MEGF6: variants seen among roughly 807,000 people sequenced by gnomAD.
MEGF6 encodes the protein multiple EGF like domains 6.
MEGF6 carries 184 observed loss-of-function variants against 207.1 expected under a neutral mutation model. The observed-to-expected ratio is 0.89, with a 90% CI of 0.79 to 1.00. The LOEUF (loss-of-function observed/expected upper bound fraction) is 1.00, where lower values mean the gene tolerates loss of function less well. Ranked by LOEUF, MEGF6 falls within the 50% of genes least tolerant of loss-of-function variation. The probability of loss-of-function intolerance (pLI) is 0.00; values close to 1 mark genes in which losing one functional copy is unlikely to be tolerated. For synonymous variants in MEGF6, 1,038 were observed against 910.0 expected (o/e 1.14, Z -2.53); for missense variants, 2,282 against 2,202.9 (o/e 1.04, Z -0.72).
chr1:3,506,239 G>A lies in MEGF6; in HGVS notation c.1790-3C>T, dbSNP rs1641112889. The A allele has an allele frequency of 1.2e-6, 2 of 1,607,984 alleles. No individual in the cohort carries two copies. The highest frequency in any genetic ancestry group is 1.7e-6 in the Non-Finnish European group (2 of 1,177,960). ...GCCATAGTAGCCCTTGGGGCAGCCT[G>A]GGGGCAGCGGGGCTCCATGTGAACC... On this transcript the variant is annotated splice_polypyrimidine_tract_variant and splice_region_variant and intron_variant, in intron 14 of 36. Coordinates refer to ENST00000356575, the MANE Select transcript of MEGF6 (RefSeq NM_001409.4).
At position 3,498,716 on chromosome 1, in the gene MEGF6, C is replaced by A. The variant is rs771830741; in HGVS notation, c.3205G>T (p.Gly1069Cys). 1.3e-6 allele frequency: 2 copies of A among 1,568,566 alleles called. No individual in the cohort carries two copies. The highest frequency in any genetic ancestry group is 1.4e-5 in the African/African-American group (1 of 74,048). The change falls in exon 25 of 37, where the codon GGC becomes TGC. Residue 1069 changes from glycine (G) to cysteine (C), a missense_variant. Coordinates refer to ENST00000356575, the MANE Select transcript of MEGF6 (RefSeq NM_001409.4). ...CGCTCACCCTTCTCACAGGCCAGGC[C>A]GGCCCAGCCCTCTGGGCACGCACAG... ...GHCACPEGWA[G>C]LACEKECLPR...
At chr1:3,524,361 AC>A in intron 4 of MEGF6, 115 bp from the exon 5 acceptor site, 1 of 1,356,556 alleles carries the variant, frequency 7.4e-7, no homozygotes, top group Non-Finnish European at 1.0e-6. Context: ...CCTCGAGGGC[AC>A]CACCCATGAG....
rs184617677 is a variant in MEGF6, at chr1:3,536,574, C to T, written c.482-12328G>A. Among the ~76,000 whole-genome samples the T allele has an allele frequency of 1.1e-3, 171 of 152,302 alleles. 1 individual carries two copies. The highest frequency in any genetic ancestry group is 4.1e-3 in the African/African-American group (169 of 41,568). ...CAACACCCCCTCCCCTACTCAGTGC[C>T]GCCACCGAGCACGTCCCAGCCGGAG... On this transcript the variant is annotated intron_variant, in intron 4 of 36. Coordinates refer to ENST00000356575, the MANE Select transcript of MEGF6 (RefSeq NM_001409.4).
rs904360480 is a variant in MEGF6 at position 3,501,809 on chromosome 1, T to A, written c.2301A>T (p.Glu767Asp). Residue 767 changes from glutamate to aspartate, a missense_variant, in exon 18 of 37, where the codon GAA (glutamate) becomes GAT (aspartate). Glu to Asp is a conservative substitution (Grantham distance 45, BLOSUM62 2). Coordinates refer to ENST00000356575, the MANE Select transcript of MEGF6 (RefSeq NM_001409.4). ...QCRCPPGRTGEDCEADCPEGR... is the reference protein window; with the variant it reads ...QCRCPPGRTGDDCEADCPEGR... Reference sequence around the variant, plus strand: ...GCTGACACTCACCTGCCTCACAGTCTTCCCCAGTCCTCCCCGGCGGACACC... The same window carrying A: ...GCTGACACTCACCTGCCTCACAGTCATCCCCAGTCCTCCCCGGCGGACACC... 1.2e-6 allele frequency: 2 copies of A among 1,609,900 alleles called. No homozygotes were observed. Among genetic ancestry groups the A allele is most frequent in the African/African-American group, 2.7e-5 (2 of 74,728 alleles).
At chr1:3,551,793 C>T (rs1200202853) in intron 4 of MEGF6, among the ~76,000 whole-genome samples, 1 of 152,136 alleles carries the variant, frequency 6.6e-6, no homozygotes, top group Non-Finnish European at 1.5e-5. Flanking sequence ...CGACTTCCAT[C>T]AGGAAAACCA....
chr1:3,547,985 C>A (rs1429929284), intron 4 of MEGF6, among the ~76,000 whole-genome samples: 3 of 152,142 alleles, frequency 2.0e-5, no homozygotes, highest in Admixed American at 6.5e-5. Context: ...CCTCTGCCCA[C>A]CCACCCCTGC....
intron 23 of MEGF6, 114 bp downstream of exon 23, chr1:3,499,464 ATCACTCTCAG>A: frequency 6.9e-7 from 1 of 1,441,368 alleles, no homozygotes; most frequent in Non-Finnish European, 9.3e-7. Context: ...TGAGCAAAGC[ATCACTCTCAG>A]GGGGGTTGCC....
intron 29 of MEGF6, 110 bp downstream of exon 29, chr1:3,496,545 G>A (rs1156778109): frequency 1.6e-5 from 24 of 1,478,812 alleles, no homozygotes; most frequent in Middle Eastern, 4.1e-4. Context: ...GCCAGAGGGG[G>A]CTGAAGGGCA....
At position 3,578,330 on chromosome 1, in the gene MEGF6, G is replaced by A. The variant is rs543504466; in HGVS notation, c.481+1495C>T. ...AGACAAATGAGACGGAAAGGCCCTC[G>A]GGACATTTCTCAACTCCCACCTGTG... On this transcript the variant is annotated intron_variant, in intron 4 of 36. Transcript: ENST00000356575. Among the ~76,000 whole-genome samples, 391 of 152,336 alleles carry A rather than the reference G, an allele frequency of 2.6e-3. 10 individuals carry two copies. In the South Asian group the frequency reaches 0.078, roughly 30 times the overall value.
intron 5 of MEGF6, among the ~76,000 whole-genome samples, chr1:3,518,121 C>A (rs1477112584): frequency 2.0e-5 from 3 of 152,160 alleles, no homozygotes; most frequent in East Asian, 1.9e-4. Flanking sequence ...TGTGTCCCCC[C>A]TAAAAAATCC....
intron 1 of MEGF6, among the ~76,000 whole-genome samples, chr1:3,603,221 G>A (rs1402879961): frequency 6.6e-6 from 1 of 152,210 alleles, no homozygotes; most frequent in African/African-American, 2.4e-5. Context: ...CAGGGGAGGG[G>A]GCATGCCAGG....
intron 4 of MEGF6, among the ~76,000 whole-genome samples, chr1:3,569,611 G>A (rs375103474): frequency 1.4e-4 from 22 of 152,354 alleles, no homozygotes; most frequent in African/African-American, 4.8e-4. Flanking sequence ...GAGACTGGGG[G>A]GCCACGGGGT....
At chr1:3,500,815 G>T in intron 20 of MEGF6, 51 bp from the exon 21 acceptor site, 1 of 1,595,698 alleles carries the variant, frequency 6.3e-7, no homozygotes, top group Non-Finnish European at 8.5e-7. Flanking sequence ...CGGGCCACGG[G>T]CACCACAGCC....
intron 4 of MEGF6, among the ~76,000 whole-genome samples, chr1:3,552,326 C>CA (rs1279059658): frequency 6.6e-6 from 1 of 152,224 alleles, no homozygotes; most frequent in East Asian, 1.9e-4. Context: ...CACAGGAACA[C>CA]AAGCTGCCTG....
chr1:3,538,721 T>C (rs1221471325), intron 4 of MEGF6, among the ~76,000 whole-genome samples: 1 of 150,652 alleles, frequency 6.6e-6, no homozygotes, highest in Non-Finnish European at 1.5e-5. Flanking sequence ...TGTGTGTGTG[T>C]GTGTGTGTGT....
chr1:3,509,128 G>A lies in MEGF6; in HGVS notation c.1475C>T (p.Ala492Val), dbSNP rs1274127938. 6.2e-7 allele frequency: 1 copy of A among 1,601,340 alleles called. No individual in the cohort carries two copies. The highest frequency in any genetic ancestry group is 1.7e-5 in the Admixed American group (1 of 58,634). ...PQLFQDDDVG[A>V]DEEEAELRGE... ...CCGCAACTCTGCCTCTTCCTCATCG[G>A]CCCCGACGTCGTCATCCTGGAAGAG... Residue 492 changes from alanine to valine, a missense_variant, in exon 12 of 37, where the codon GCC becomes GTC. Coordinates refer to ENST00000356575, the MANE Select transcript of MEGF6 (RefSeq NM_001409.4).
intron 17 of MEGF6, among the ~76,000 whole-genome samples, chr1:3,503,263 G>T (rs1640974024): frequency 6.6e-6 from 1 of 152,194 alleles, no homozygotes; most frequent in African/African-American, 2.4e-5. Flanking sequence ...AGGGCACTGG[G>T]CAGTGTGCAC....
chr1:3,536,166 A>T (rs944851040), intron 4 of MEGF6, among the ~76,000 whole-genome samples: 9 of 151,970 alleles, frequency 5.9e-5, no homozygotes, highest in Admixed American at 5.9e-4. Context: ...TCCTTCAAAG[A>T]CACCAACTCA....
the MEGF6 span, among the ~76,000 whole-genome samples, chr1:3,621,946 G>A: frequency 9.2e-3 from 1,397 of 152,296 alleles, 6 homozygotes; most frequent in Non-Finnish European, 0.015. Context: ...ACCATTTACC[G>A]AGTGCCAGTA....
Sources: allele counts gnomAD v4.1 joint callset (sites outside exome capture counted in the v4.1 genomes callset), GRCh38; gene constraint gnomAD v4.1.1; transcripts MANE v1.5; gene names NCBI Gene and HGNC (gene_info 2026-07-23, HGNC 2026-07-21).